The following EEIG2 variants were observed in gnomAD, a reference collection of about 807,000 sequenced individuals.
EEIG2 encodes the protein family with sequence similarity 102 member B.
the EEIG2 span, among the ~76,000 whole-genome samples, chr1:108,564,268 A>C: frequency 6.6e-6 from 1 of 151,766 alleles, no homozygotes; most frequent in African/African-American, 2.4e-5. Context: ...GTGGGGGGGA[A>C]ATTAGAGATG....
At chr1:108,587,808 T>G in the EEIG2 span, among the ~76,000 whole-genome samples, 1 of 152,188 alleles carries the variant, frequency 6.6e-6, no homozygotes, top group African/African-American at 2.4e-5. Context: ...TGTTTTTTTC[T>G]CCTGTTACTT....
the EEIG2 span, among the ~76,000 whole-genome samples, chr1:108,581,196 C>T: frequency 6.6e-6 from 1 of 151,330 alleles, no homozygotes; most frequent in Non-Finnish European, 1.5e-5. Flanking sequence ...TTTAAGCCCA[C>T]TGTTGAGACC....
At chr1:108,629,971 C>T in the EEIG2 span, 304,989 of 307,090 alleles carry the variant, frequency 0.99, 151,494 homozygotes, top group East Asian at 1. Context: ...CTTAGTCTTT[C>T]AAAACATTAA....
the EEIG2 span, among the ~76,000 whole-genome samples, chr1:108,633,210 T>C: frequency 6.6e-6 from 1 of 152,328 alleles, no homozygotes; most frequent in Middle Eastern, 3.4e-3. Flanking sequence ...TCAGTTTCTT[T>C]GCCTATAAAA....
At chr1:108,612,136 CTACTAGA>C in the EEIG2 span, 6 of 1,377,790 alleles carry the variant, frequency 4.4e-6, no homozygotes, top group South Asian at 4.9e-5. Context: ...TGATAGAAGC[CTACTAGA>C]TAGTCTATTA....
chr1:108,600,677 C>T, the EEIG2 span: 32 of 1,605,664 alleles, frequency 2.0e-5, no homozygotes, highest in Non-Finnish European at 2.6e-5. Flanking sequence ...ACAGAGTATC[C>T]GTGAGGAAGG....
the EEIG2 span, among the ~76,000 whole-genome samples, chr1:108,586,314 G>GGT: frequency 6.9e-3 from 1,019 of 148,080 alleles, 16 homozygotes; most frequent in East Asian, 0.021. Flanking sequence ...TACGCAGAGG[G>GGT]GTGTGTGTGT....
the EEIG2 span, among the ~76,000 whole-genome samples, chr1:108,616,951 AG>A: frequency 6.6e-6 from 1 of 152,192 alleles, no homozygotes; most frequent in African/African-American, 2.4e-5. Context: ...TTCTATATAT[AG>A]TAGTCAGGGG....
the EEIG2 span, among the ~76,000 whole-genome samples, chr1:108,597,108 G>T: frequency 6.6e-6 from 1 of 152,158 alleles, no homozygotes; most frequent in Admixed American, 6.6e-5. Context: ...TAACTATGAA[G>T]CACTAAAAGT....
chr1:108,595,591 G>A, the EEIG2 span, among the ~76,000 whole-genome samples: 1 of 140,590 alleles, frequency 7.1e-6, no homozygotes, highest in African/African-American at 2.6e-5. Flanking sequence ...AGGGTGGGAG[G>A]GAGATGTAGT....
chr1:108,581,103 A>T, the EEIG2 span, among the ~76,000 whole-genome samples: 17 of 152,294 alleles, frequency 1.1e-4, no homozygotes, highest in Admixed American at 3.3e-4. Flanking sequence ...AATGATGCTA[A>T]GTCTACTCTG....
chr1:108,627,946 A>T, the EEIG2 span: 1 of 518,076 alleles, frequency 1.9e-6, no homozygotes, highest in Admixed American at 3.3e-5. Flanking sequence ...TTTTAATGTT[A>T]TGAAAAATAT....
At chr1:108,561,290 A>G in the EEIG2 span, among the ~76,000 whole-genome samples, 7 of 152,212 alleles carry the variant, frequency 4.6e-5, no homozygotes, top group African/African-American at 1.7e-4. Flanking sequence ...TGGCATTAAT[A>G]ATAGGTGTGG....
chr1:108,596,389 G>A, the EEIG2 span, among the ~76,000 whole-genome samples: 4 of 152,076 alleles, frequency 2.6e-5, no homozygotes, highest in Admixed American at 6.5e-5. Context: ...TGGCCCAACA[G>A]GGAAGGAGCC....
At chr1:108,602,369 G>A in the EEIG2 span, among the ~76,000 whole-genome samples, 8 of 152,090 alleles carry the variant, frequency 5.3e-5, no homozygotes, top group Non-Finnish European at 1.2e-4. Flanking sequence ...AAGTGCTGGG[G>A]GAGAAACTCT....
At chr1:108,579,779 G>GAGAGAGAGAGAGAGAGAGAA in the EEIG2 span, among the ~76,000 whole-genome samples, 1 of 147,128 alleles carries the variant, frequency 6.8e-6, no homozygotes, top group Non-Finnish European at 1.5e-5. Flanking sequence ...GTGTGAGAGA[G>GAGAGAGAGAGAGAGAGAGAA]AGAGAGAGAG....
the EEIG2 span, among the ~76,000 whole-genome samples, chr1:108,593,563 A>T: frequency 6.6e-6 from 1 of 152,174 alleles, no homozygotes; most frequent in Middle Eastern, 3.2e-3. Context: ...AAGGAAGAAG[A>T]GAGACTGCAT....
At chr1:108,565,288 A>G in the EEIG2 span, among the ~76,000 whole-genome samples, 10 of 152,348 alleles carry the variant, frequency 6.6e-5, no homozygotes, top group African/African-American at 2.4e-4. Flanking sequence ...CATAGAGTGT[A>G]CTTACACAAA....
At chr1:108,584,224 C>T in the EEIG2 span, among the ~76,000 whole-genome samples, 1 of 151,920 alleles carries the variant, frequency 6.6e-6, no homozygotes, top group African/African-American at 2.4e-5. Flanking sequence ...AGGAGAAGGA[C>T]TTGAACATGA....
Sources: allele counts gnomAD v4.1 joint callset (sites outside exome capture counted in the v4.1 genomes callset), GRCh38; gene constraint gnomAD v4.1.1; transcripts MANE v1.5; gene names NCBI Gene and HGNC (gene_info 2026-07-23, HGNC 2026-07-21).